The following SSBP3 variants were observed in gnomAD, a reference collection of about 807,000 sequenced individuals.
SSBP3 encodes single-stranded DNA-binding protein 3.
Under a neutral mutation model 69.6 loss-of-function variants are expected in SSBP3, and 5 were observed. The observed-to-expected ratio is 0.07, with a 90% CI of 0.04 to 0.15. The LOEUF is 0.15. SSBP3 is among the 10% of genes least tolerant of loss of function. SSBP3 has a pLI of 1.00. For missense variants in SSBP3, 312 were observed against 534.0 expected, an observed-to-expected ratio of 0.58 and a Z score of 4.10; for synonymous variants, 196 against 193.4, an observed-to-expected ratio of 1.01 and a Z score of -0.11.
At chr1:54,303,347 G>A (rs1360426710) in intron 4 of SSBP3, among the ~76,000 whole-genome samples, 2 of 150,120 alleles carry the variant, frequency 1.3e-5, no homozygotes, top group Non-Finnish European at 2.9e-5. Flanking sequence ...TGTTCGGGCA[G>A]TTTGTTATCA....
intron 4 of SSBP3, among the ~76,000 whole-genome samples, chr1:54,378,900 C>T (rs985434818): frequency 2.6e-5 from 4 of 152,224 alleles, no homozygotes; most frequent in Admixed American, 2.6e-4. Flanking sequence ...ATATTTCACT[C>T]ACACAGCTCT....
At chr1:54,252,475 T>C (rs539514321) in intron 7 of SSBP3, among the ~76,000 whole-genome samples, 2 of 152,046 alleles carry the variant, frequency 1.3e-5, no homozygotes, top group Non-Finnish European at 2.9e-5. Flanking sequence ...CCAGGTCACA[T>C]CCCATCAGCT....
intron 5 of SSBP3, among the ~76,000 whole-genome samples, chr1:54,268,259 G>A (rs1645135462): frequency 6.6e-6 from 1 of 152,242 alleles, no homozygotes; most frequent in South Asian, 2.1e-4. Context: ...CTTCAGCTCT[G>A]AAAATGGATA....
In SSBP3 at chr1:54,265,499, C is replaced by A. The variant is rs533146802; in HGVS notation, c.367-7350G>T. Among the ~76,000 whole-genome samples, 1,165 of 152,284 alleles carry A rather than the reference C, an allele frequency of 7.7e-3. 7 individuals are homozygous for A. The highest frequency in any genetic ancestry group is 0.014 in the South Asian group (66 of 4,822). Reference sequence around the variant, plus strand: ...GGGCCACACAGCAGTGGAATAACTGCCCGGGCTTCTGCGTGGTCCCCGAGA... The same window carrying A: ...GGGCCACACAGCAGTGGAATAACTGACCGGGCTTCTGCGTGGTCCCCGAGA... On this transcript the variant is annotated intron_variant, in intron 5 of 17. Coordinates refer to ENST00000610401, the Ensembl canonical transcript of SSBP3.
intron 4 of SSBP3, among the ~76,000 whole-genome samples, chr1:54,284,348 GT>G (rs1329329889): frequency 6.6e-6 from 1 of 151,584 alleles, no homozygotes; most frequent in Non-Finnish European, 1.5e-5. Context: ...TTTTGAAATG[GT>G]TTGCATTGGC....
chr1:54,294,562 C>G (rs1645671218), intron 4 of SSBP3, among the ~76,000 whole-genome samples: 2 of 152,188 alleles, frequency 1.3e-5, no homozygotes, highest in South Asian at 4.1e-4. Context: ...GGTGGCCTCA[C>G]AGAGCTGGGG....
At chr1:54,269,338 C>T (rs1052362021) in intron 5 of SSBP3, among the ~76,000 whole-genome samples, 19 of 152,190 alleles carry the variant, frequency 1.2e-4, no homozygotes, top group South Asian at 6.2e-4. Flanking sequence ...AAGCCCTTGA[C>T]GGCCCAGAAG....
chr1:54,294,107 C>T (rs1261216664), intron 4 of SSBP3, among the ~76,000 whole-genome samples: 1 of 133,376 alleles, frequency 7.5e-6, no homozygotes, highest in East Asian at 2.4e-4. Flanking sequence ...CACGCCACTG[C>T]ACTCCAGCTG....
intron 4 of SSBP3, among the ~76,000 whole-genome samples, chr1:54,340,718 A>G (rs1318826257): frequency 2.6e-5 from 4 of 152,142 alleles, no homozygotes; most frequent in Non-Finnish European, 5.9e-5. Context: ...AGAGGTGGAG[A>G]GGCAGGAGAC....
chr1:54,276,604 G>C (rs1570329709), intron 5 of SSBP3, among the ~76,000 whole-genome samples: 1 of 28,506 alleles, frequency 3.5e-5, no homozygotes, highest in Admixed American at 6.1e-4. Flanking sequence ...GTGAGACTCT[G>C]TCTCAAAAAA....
At chr1:54,345,986 C>CAAAAAAAAAAAA (rs74870023) in intron 4 of SSBP3, among the ~76,000 whole-genome samples, 1 of 134,386 alleles carries the variant, frequency 7.4e-6, no homozygotes. Flanking sequence ...CACAAAAATA[C>CAAAAAAAAAAAA]AAAAAAAAAA....
At chr1:54,317,613 C>A (rs1646137158) in intron 4 of SSBP3, among the ~76,000 whole-genome samples, 1 of 151,776 alleles carries the variant, frequency 6.6e-6, no homozygotes, top group Non-Finnish European at 1.5e-5. Context: ...TAGACCTGGG[C>A]AGCCTTTTTT....
intron 14 of SSBP3, among the ~76,000 whole-genome samples, chr1:54,231,702 A>C (rs1644381403): frequency 6.6e-6 from 1 of 151,858 alleles, no homozygotes; most frequent in Admixed American, 6.6e-5. Flanking sequence ...ATTATTTTTT[A>C]ATTTATTTTT....
At chr1:54,335,670 G>C (rs539064668) in intron 4 of SSBP3, 69 of 152,328 alleles carry the variant, frequency 4.5e-4, no homozygotes, top group African/African-American at 1.6e-3. Flanking sequence ...GAGACCGAGA[G>C]GCCCAAAAAG....
At chr1:54,270,177 G>C (rs1394395334) in intron 5 of SSBP3, among the ~76,000 whole-genome samples, 2 of 152,186 alleles carry the variant, frequency 1.3e-5, no homozygotes, top group Non-Finnish European at 2.9e-5. Flanking sequence ...CTGCTTTACA[G>C]GTGGGGAACG....
chr1:54,272,037 G>A (rs1645202915), intron 5 of SSBP3, among the ~76,000 whole-genome samples: 1 of 152,182 alleles, frequency 6.6e-6, no homozygotes, highest in South Asian at 2.1e-4. Context: ...CCAAAGTGCT[G>A]GGATTATAGG....
chr1:54,354,420 G>A (rs182788263), intron 4 of SSBP3, among the ~76,000 whole-genome samples: 11 of 152,302 alleles, frequency 7.2e-5, no homozygotes, highest in African/African-American at 2.4e-4. Context: ...CGGCAAACCC[G>A]AGAACTACAG....
At chr1:54,396,455 C>T (rs1648894790) in intron 4 of SSBP3, among the ~76,000 whole-genome samples, 1 of 152,048 alleles carries the variant, frequency 6.6e-6, no homozygotes. Context: ...TGACAGATCC[C>T]CAAGTACACA....
At chr1:54,315,374 A>G (rs1056024941) in intron 4 of SSBP3, among the ~76,000 whole-genome samples, 3 of 152,190 alleles carry the variant, frequency 2.0e-5, no homozygotes, top group African/African-American at 4.8e-5. Flanking sequence ...AGGAAAAGAA[A>G]GAACTCACCA....
Sources: gnomAD v4.1 joint callset for allele counts (sites outside exome capture counted in the v4.1 genomes callset) on GRCh38, gnomAD v4.1.1 for gene constraint, MANE v1.5 for transcripts, NCBI Gene and HGNC (gene_info 2026-07-23, HGNC 2026-07-21) for gene names.